The following CHERP variants were observed in gnomAD, a reference collection of about 807,000 sequenced individuals.
The protein encoded by CHERP is calcium homeostasis endoplasmic reticulum protein.
In CHERP, 8 loss-of-function variants were observed where a neutral mutation model predicts 113.8. The ratio of observed to expected loss-of-function variants is 0.07; its 90% CI spans 0.04 to 0.13. The LOEUF (loss-of-function observed/expected upper bound fraction) is 0.13. CHERP is among the 10% of genes least tolerant of loss of function. The pLI, the probability that CHERP is intolerant of heterozygous loss-of-function variation, is 1.00. For synonymous variants in CHERP, 559 were observed against 524.5 expected (o/e 1.07, Z -0.90); for missense variants, 884 against 1,298.2 (o/e 0.68, Z 4.90).
intron 2 of CHERP, chr19:16,541,263 C>T (rs2085777724): frequency 6.6e-6 from 1 of 152,164 alleles, no homozygotes; most frequent in African/African-American, 2.4e-5. Context: ...GGGTACTGAA[C>T]GTGACAGATG....
intron 3 of CHERP, 93 bp from the exon 4 acceptor site, chr19:16,533,241 A>G (rs2085719268): frequency 1.6e-6 from 2 of 1,265,516 alleles, no homozygotes; most frequent in Non-Finnish European, 2.2e-6. Context: ...GGGTGGGGAC[A>G]TGGTGGCGAT....
chr19:16,542,153 C>CAAA (rs2085784596), intron 1 of CHERP, 110 bp from the exon 2 acceptor site: 1 of 1,306,672 alleles, frequency 7.7e-7, no homozygotes, highest in South Asian at 1.5e-5. Flanking sequence ...AGGGGGTGGG[C>CAAA]CCCGAAGAGG....
At position 16,529,814 on chromosome 19, in the gene CHERP, G is replaced by A. The variant is rs377587207; in HGVS notation, c.963C>T (p.His321=). The A allele has an allele frequency of 1.0e-4, 168 of 1,613,674 alleles. No individual in the cohort carries two copies. In the Middle Eastern group the frequency reaches 1.3e-3, roughly 13 times the overall value. Residue 321 remains histidine (H), a synonymous_variant, in exon 8 of 17, where the codon CAC becomes CAT. Transcript: ENST00000546361. Reference sequence around the variant, plus strand: ...GGGCCAGGCTGGTGACAAACTCCTCGTGCTGCGTCTTGAGGGTCTGGATCT... The same window carrying A: ...GGGCCAGGCTGGTGACAAACTCCTCATGCTGCGTCTTGAGGGTCTGGATCT... ...QQQIQTLKTQ[H]EEFVTSLAQQ...
chr19:16,533,173 G>A (rs375619762), intron 3 of CHERP, 25 bp from the exon 4 acceptor site: 62 of 1,565,584 alleles, frequency 4.0e-5, no homozygotes, highest in African/African-American at 2.6e-4. Flanking sequence ...CGGTGGGGTC[G>A]AGAACACATG....
rs1375607052 is a variant in CHERP, at chr19:16,521,781, C to T, written c.1981-127G>A. 4 of 814,090 alleles carry T rather than the reference C, an allele frequency of 4.9e-6. No homozygotes were observed. In the African/African-American group the frequency reaches 5.3e-5, roughly 11 times the overall value. 50.4% of individuals were successfully genotyped at this position (814,090 alleles called of 1,614,324 possible). A position where few individuals can be genotyped will look rare whatever the true frequency, so the allele number is the denominator to read the frequency against. ...GTCAAGGGTACCCTGGGCACCAGAGCTCCTCATGCTTCCCTCTTGGGGATC... is the reference window on the plus strand; with the variant it reads ...GTCAAGGGTACCCTGGGCACCAGAGTTCCTCATGCTTCCCTCTTGGGGATC... On this transcript the variant is annotated intron_variant, in intron 11 of 16. Coordinates refer to ENST00000546361, the MANE Select transcript of CHERP (RefSeq NM_006387.6).
rs533452642 is a variant in CHERP at position 16,535,244 on chromosome 19, G to C, written c.384+208C>G. Among the ~76,000 whole-genome samples the C allele has an allele frequency of 1.3e-5, 2 of 152,216 alleles. No homozygotes were observed. The highest frequency in any genetic ancestry group is 2.9e-5 in the Non-Finnish European group (2 of 68,030). On this transcript the variant is annotated intron_variant, in intron 3 of 16. Transcript: ENST00000546361. The surrounding 1 kb of genome is among the most constrained non-coding windows in gnomAD (Gnocchi z 4.3). ...GTCCACCCCAGGGTGATGGGTGCAC[G>C]CACGTCCAGTGGCTTCACTGAGATG...
chr19:16,524,555 CA>C (rs112007487), intron 10 of CHERP, among the ~76,000 whole-genome samples: 218 of 133,572 alleles, frequency 1.6e-3, no homozygotes, highest in Middle Eastern at 7.6e-3. Context: ...GACTCTGTCT[CA>C]AAAAAAAAAA....
At chr19:16,541,742 G>T in intron 2 of CHERP, 128 bp downstream of exon 2, 1 of 964,182 alleles carries the variant, frequency 1.0e-6, no homozygotes, top group Non-Finnish European at 1.6e-6. Flanking sequence ...AACAGGGATC[G>T]TGTGGACCGA....
chr19:16,520,749 G>C lies in CHERP; in HGVS notation c.2201+77C>G. 2.1e-6 allele frequency: 3 copies of C among 1,400,070 alleles called. No homozygotes were observed. Among genetic ancestry groups the C allele is most frequent in the Non-Finnish European group, 3.0e-6 (3 of 990,962 alleles). The allele number at this position is 1,400,070 out of a possible 1,614,324, so 86.7% of individuals were successfully genotyped here. A position where few individuals can be genotyped will look rare whatever the true frequency, so the allele number is the denominator to read the frequency against. On this transcript the variant is annotated intron_variant, in intron 13 of 16. Transcript: ENST00000546361. The surrounding 1 kb of genome is among the most constrained non-coding windows in gnomAD (Gnocchi z 4.0). ...CTGTGTGAGGGTGGACGTGATGAGT[G>C]TATCTGGGGTCTGCTCCCACCCATC...
In CHERP at chr19:16,519,731, G is replaced by A. The variant is rs762223340; in HGVS notation, c.2463-16C>T. 5 of 1,600,240 alleles carry A rather than the reference G, an allele frequency of 3.1e-6. No homozygotes were observed. The highest frequency in any genetic ancestry group is 2.2e-5 in the East Asian group (1 of 44,832). ...AGCAGAGGAACTAAAATCGAGACAG[G>A]TTATTCTTTTTAAGAAGTAACTGAG... On this transcript the variant is annotated splice_polypyrimidine_tract_variant and intron_variant, in intron 15 of 16. Transcript: ENST00000546361. The surrounding 1 kb of genome is among the most constrained non-coding windows in gnomAD (Gnocchi z 6.0).
chr19:16,535,777 C>A lies in CHERP; in HGVS notation c.200-141G>T. 1 of 743,950 alleles carries A rather than the reference C, an allele frequency of 1.3e-6. No individual in the cohort carries two copies. Among genetic ancestry groups the A allele is most frequent in the South Asian group, 1.9e-5 (1 of 52,014 alleles). 46.1% of individuals were successfully genotyped at this position (743,950 alleles called of 1,614,324 possible). A position where few individuals can be genotyped will look rare whatever the true frequency, so the allele number is the denominator to read the frequency against. ...GGGCCTGTTCATAGCCTCATGCCCA[C>A]GCAAACCAGCTCCTCCTAGTCTCGG... On this transcript the variant is annotated intron_variant, in intron 2 of 16. Coordinates refer to ENST00000546361, the MANE Select transcript of CHERP (RefSeq NM_006387.6). This position sits in a 1 kb window ranked among gnomAD's most constrained non-coding sequence, Gnocchi z 4.3.
Position 16,530,522 on chromosome 19 carries a change from C to G in CHERP, c.876+63G>C, listed in dbSNP as rs1054207533. The G allele has an allele frequency of 9.2e-6, 14 of 1,523,730 alleles. No individual in the cohort carries two copies. Among genetic ancestry groups the G allele is most frequent in the Non-Finnish European group, 1.2e-5 (13 of 1,099,684 alleles). The allele number at this position is 1,523,730 out of a possible 1,614,324, so 94.4% of individuals were successfully genotyped here. On this transcript the variant is annotated intron_variant, in intron 7 of 16. Transcript: ENST00000546361. The surrounding 1 kb of genome is among the most constrained non-coding windows in gnomAD (Gnocchi z 4.1). Reference sequence around the variant, plus strand: ...GTGGCAGCTGCTGTCCCCACACTCCCAAACCCTCCTGGGGAACCCGCCCCA... The same window carrying G: ...GTGGCAGCTGCTGTCCCCACACTCCGAAACCCTCCTGGGGAACCCGCCCCA...
At chr19:16,536,065 T>C (rs1393041195) in intron 2 of CHERP, among the ~76,000 whole-genome samples, 1 of 152,124 alleles carries the variant, frequency 6.6e-6, no homozygotes, top group Non-Finnish European at 1.5e-5. Context: ...AAGCTACCCA[T>C]TGACTGTTAA....
intron 12 of CHERP, 148 bp downstream of exon 12, chr19:16,521,373 G>C: frequency 1.5e-6 from 1 of 673,426 alleles, no homozygotes; most frequent in East Asian, 2.8e-5. Context: ...TGCTGTGCCT[G>C]TGACACACAC....
rs1191817759 is a variant in CHERP at position 16,530,835 on chromosome 19, G to A, written c.720C>T (p.Val240=). The A allele has an allele frequency of 1.4e-5, 22 of 1,613,702 alleles. No individual in the cohort carries two copies. The East Asian group carries it at 2.0e-4, about 15-fold the overall frequency. Residue 240 remains valine (V), a synonymous_variant, in exon 6 of 17, where the codon GTC becomes GTT. Transcript: ENST00000546361. This position sits in a 1 kb window ranked among gnomAD's most constrained non-coding sequence, Gnocchi z 4.1. ...AGCTGGTGCAGTAGATGGGCACCAC[G>A]ACCTTCTGCAGGGCGGCCAGCAGCT... is the stretch of plus-strand genomic sequence containing the variant. The part of the protein sequence containing the change: ...ARELLAALQK[V]VVPIYCTSFL...
intron 9 of CHERP, among the ~76,000 whole-genome samples, chr19:16,527,737 C>CT (rs1491517725): frequency 6.6e-6 from 1 of 152,176 alleles, no homozygotes; most frequent in Non-Finnish European, 1.5e-5. Context: ...TGACAAAACA[C>CT]TGACACTCAA....
chr19:16,530,689 A>C lies in CHERP; in HGVS notation c.787-15T>G. On this transcript the variant is annotated splice_polypyrimidine_tract_variant and intron_variant, in intron 6 of 16. Coordinates refer to ENST00000546361, the MANE Select transcript of CHERP (RefSeq NM_006387.6). The surrounding 1 kb of genome is among the most constrained non-coding windows in gnomAD (Gnocchi z 4.1). ...AGCTGCAGGAGCTGGCGGTGGGAGG[A>C]GAGAGAGGCCGGGTCAGTGGGGAGG... 1 of 1,613,746 alleles carries C rather than the reference A, an allele frequency of 6.2e-7. No homozygotes were observed. Among genetic ancestry groups the C allele is most frequent in the South Asian group, 1.1e-5 (1 of 91,054 alleles).
At position 16,525,015 on chromosome 19, in the gene CHERP, T is replaced by C. The variant is rs1264230180; in HGVS notation, c.1741+227A>G. 6.6e-6 allele frequency among the ~76,000 whole-genome samples: 1 copy of C among 152,192 alleles called. No homozygotes were observed. The highest frequency in any genetic ancestry group is 1.5e-5 in the Non-Finnish European group (1 of 68,028). ...ACCCACGGCAGGAACCTTTTCCTACTGGCTCTGCCTCATCTGCAGCCAGCC... is the reference window on the plus strand; with the variant it reads ...ACCCACGGCAGGAACCTTTTCCTACCGGCTCTGCCTCATCTGCAGCCAGCC... On this transcript the variant is annotated intron_variant, in intron 10 of 16. Transcript: ENST00000546361. The surrounding 1 kb of genome is among the most constrained non-coding windows in gnomAD (Gnocchi z 6.5).
In CHERP at chr19:16,532,860, T is replaced by TG. The variant is rs991946506; in HGVS notation, c.523-112dup. The TG allele has an allele frequency of 1.4e-4, 210 of 1,536,394 alleles. No individual in the cohort carries two copies. Among genetic ancestry groups the TG allele is most frequent in the Non-Finnish European group, 1.8e-4 (208 of 1,136,670 alleles). On this transcript the variant is annotated intron_variant, in intron 4 of 16. Transcript: ENST00000546361. The surrounding 1 kb of genome is among the most constrained non-coding windows in gnomAD (Gnocchi z 4.4). ...CTCAGGGAAGGACACACCATGAGCG[T>TG]GGGGGGCACAGGGTCCCACAGCCTC...
Sources: gnomAD v4.1 joint callset for allele counts (sites outside exome capture counted in the v4.1 genomes callset) on GRCh38, gnomAD v4.1.1 for gene constraint, Gnocchi (gnomAD v3.1) non-coding constraint, MANE v1.5 for transcripts, NCBI Gene and HGNC (gene_info 2026-07-23, HGNC 2026-07-21) for gene names.